Variants in ZFHX3 observed in about 807,000 individuals in gnomAD.
ZFHX3 encodes the protein zinc finger homeobox 3, also known as zinc finger homeobox protein 3.
ZFHX3 carries 42 observed loss-of-function variants against 279.1 expected under a neutral mutation model. The observed-to-expected ratio is 0.15, with a 90% confidence interval of 0.12 to 0.19. The LOEUF (loss-of-function observed/expected upper bound fraction) is 0.19, where lower values mean the gene tolerates loss of function less well. Ranked by LOEUF, ZFHX3 falls within the 10% of genes least tolerant of loss-of-function variation. ZFHX3 has a pLI of 1.00. For missense variants in ZFHX3, 4,981 were observed against 4,754.0 expected, an observed-to-expected ratio of 1.05 and a Z score of -1.40; for synonymous variants, 2,293 against 1,957.8, an observed-to-expected ratio of 1.17 and a Z score of -4.52.
At chr16:73,641,851 A>C (rs565378331) in intron 2 of ZFHX3, among the ~76,000 whole-genome samples, 1 of 152,204 alleles carries the variant, frequency 6.6e-6, no homozygotes, top group South Asian at 2.1e-4. Context: ...TGCCTGCATT[A>C]CTTTACAAAA....
intron 5 of ZFHX3, among the ~76,000 whole-genome samples, chr16:73,248,556 G>A (rs1567429927): frequency 6.6e-6 from 1 of 151,460 alleles, no homozygotes; most frequent in Non-Finnish European, 1.5e-5. Context: ...TGTGTGTACT[G>A]TGTATAAAAT....
chr16:73,313,512 C>A (rs1486190238), intron 4 of ZFHX3, among the ~76,000 whole-genome samples: 1 of 152,128 alleles, frequency 6.6e-6, no homozygotes, highest in Non-Finnish European at 1.5e-5. Context: ...TCTTATTGTC[C>A]CTATTTCATA....
intron 4 of ZFHX3, among the ~76,000 whole-genome samples, chr16:72,833,307 G>T (rs1379409353): frequency 6.6e-6 from 1 of 152,220 alleles, no homozygotes; most frequent in African/African-American, 2.4e-5. Flanking sequence ...CTGGAGAATG[G>T]AGGGGAGGTT....
rs569611319 is a variant in ZFHX3 at position 73,287,453 on chromosome 16, T to C, written c.-1193-30317A>G. 5.5e-4 allele frequency among the ~76,000 whole-genome samples: 60 copies of C among 108,560 alleles called. 1 individual carries two copies. The highest frequency in any genetic ancestry group is 2.1e-3 in the African/African-American group (56 of 27,220). The allele number at this position is 108,560 out of a possible 152,430, so 71.2% of individuals were successfully genotyped here. On this transcript the variant is annotated intron_variant, in intron 4 of 17. Coordinates refer to the ZFHX3 transcript ENST00000641206. ...TGTGGGCCAGTGTGTGGGTGGTGGG[T>C]GTGTGGCTGTGTGGGTCGGTGTGTG...
At chr16:73,743,134 A>T (rs1304806880) in intron 1 of ZFHX3, among the ~76,000 whole-genome samples, 1 of 152,206 alleles carries the variant, frequency 6.6e-6, no homozygotes, top group Non-Finnish European at 1.5e-5. Context: ...TATTCTACAA[A>T]TTGAACTACA....
chr16:73,647,587 T>A (rs1242105429), intron 2 of ZFHX3, among the ~76,000 whole-genome samples: 1 of 152,192 alleles, frequency 6.6e-6, no homozygotes, highest in Non-Finnish European at 1.5e-5. Context: ...GTGAGTCAAT[T>A]AAACTTGTTT....
At chr16:73,647,087 A>T (rs1283838146) in intron 2 of ZFHX3, among the ~76,000 whole-genome samples, 1 of 146,290 alleles carries the variant, frequency 6.8e-6, no homozygotes, top group Non-Finnish European at 1.5e-5. Flanking sequence ...ATCTCGGCGC[A>T]CTGCACGGTC....
At chr16:73,038,796 T>G (rs865911073) in intron 1 of ZFHX3, among the ~76,000 whole-genome samples, 1 of 150,674 alleles carries the variant, frequency 6.6e-6, no homozygotes, top group South Asian at 2.1e-4. Flanking sequence ...ACTATTATTA[T>G]TATTATTATT....
At chr16:72,820,661 G>A (rs986366721) in intron 5 of ZFHX3, among the ~76,000 whole-genome samples, 13 of 152,130 alleles carry the variant, frequency 8.5e-5, no homozygotes, top group African/African-American at 3.1e-4. Context: ...GTCTTCCCCT[G>A]GCATAGCTTA....
At position 73,556,892 on chromosome 16, in the gene ZFHX3, G is replaced by A. The variant is rs571097080; in HGVS notation, c.-1546-100634C>T. ...AGGCAGATCACGAGGTCAAGGGATCGAGACCATCCTGGCTCACATGGTGAA... is the reference window on the plus strand; with the variant it reads ...AGGCAGATCACGAGGTCAAGGGATCAAGACCATCCTGGCTCACATGGTGAA... On this transcript the variant is annotated intron_variant, in intron 2 of 17. Coordinates refer to the ZFHX3 transcript ENST00000641206. Among the ~76,000 whole-genome samples the A allele has an allele frequency of 3.9e-5, 6 of 151,910 alleles. No individual in the cohort carries two copies. The South Asian group carries it at 8.3e-4, about 21-fold the overall frequency.
At chr16:72,879,677 C>T (rs542307708) in intron 4 of ZFHX3, among the ~76,000 whole-genome samples, 3 of 152,328 alleles carry the variant, frequency 2.0e-5, no homozygotes, top group South Asian at 2.1e-4. Context: ...CCGCCCGCCT[C>T]GGCCTCCCAA....
intron 1 of ZFHX3, among the ~76,000 whole-genome samples, chr16:73,723,993 G>T (rs1567562162): frequency 1.3e-5 from 2 of 152,168 alleles, no homozygotes; most frequent in Non-Finnish European, 2.9e-5. Flanking sequence ...TGTTCACTGG[G>T]AAATTTGAAA....
At chr16:73,696,809 TTA>T (rs1160183203) in intron 1 of ZFHX3, among the ~76,000 whole-genome samples, 1 of 152,196 alleles carries the variant, frequency 6.6e-6, no homozygotes, top group Non-Finnish European at 1.5e-5. Flanking sequence ...TTTCATATCT[TTA>T]GTCTTCCCTG....
chr16:72,951,507 C>G (rs545300868), intron 2 of ZFHX3, among the ~76,000 whole-genome samples: 1 of 152,202 alleles, frequency 6.6e-6, no homozygotes. Context: ...GCTGATCCAA[C>G]TGCCTCGGCC....
At chr16:73,303,012 A>C (rs2143137692) in intron 4 of ZFHX3, among the ~76,000 whole-genome samples, 1 of 151,104 alleles carries the variant, frequency 6.6e-6, no homozygotes, top group East Asian at 1.9e-4. Context: ...AGGATTCTGA[A>C]ACAGCAAAGA....
chr16:73,496,636 G>A (rs1428220496), intron 2 of ZFHX3, among the ~76,000 whole-genome samples: 1 of 152,254 alleles, frequency 6.6e-6, no homozygotes, highest in East Asian at 1.9e-4. Context: ...AAGGAAGTTA[G>A]TTGGTGGTTG....
intron 2 of ZFHX3, among the ~76,000 whole-genome samples, chr16:73,461,871 T>C (rs536230035): frequency 2.0e-5 from 3 of 152,332 alleles, no homozygotes; most frequent in Non-Finnish European, 4.4e-5. Context: ...TGTCCTTCCA[T>C]AAGTATTTTT....
chr16:73,543,885 G>GGGGA (rs1555523939), intron 2 of ZFHX3: 1 of 136,452 alleles, frequency 7.3e-6, no homozygotes. Context: ...AGCGAGAGAG[G>GGGGA]GAGAGAGAGA....
chr16:73,486,904 T>G (rs140880677), intron 2 of ZFHX3: 1 of 454,908 alleles, frequency 2.2e-6, no homozygotes, highest in Non-Finnish European at 4.4e-6. Flanking sequence ...CAGGTAACAC[T>G]AAGGCAAATT....
Sources: gnomAD v4.1 joint callset for allele counts (sites outside exome capture counted in the v4.1 genomes callset) on GRCh38, gnomAD v4.1.1 for gene constraint, MANE v1.5 for transcripts, NCBI Gene and HGNC (gene_info 2026-07-23, HGNC 2026-07-21) for gene names.